Variants in TENM3 observed in about 807,000 individuals in gnomAD.
TENM3 encodes the protein teneurin-3.
In TENM3, 63 loss-of-function variants were observed where a neutral mutation model predicts 255.1. The observed-to-expected ratio is 0.25, with a 90% CI of 0.20 to 0.30. TENM3 has a LOEUF of 0.30. Among genes scored for constraint, TENM3 ranks in the 10% least tolerant of loss-of-function variants. The pLI, the probability that TENM3 is intolerant of heterozygous loss-of-function variation, is 1.00. For synonymous variants in TENM3, 1,306 were observed against 1,322.3 expected, an observed-to-expected ratio of 0.99 and a Z score of 0.27; for missense variants, 2,929 against 3,461.1, an observed-to-expected ratio of 0.85 and a Z score of 3.86.
the TENM3 span, among the ~76,000 whole-genome samples, chr4:181,491,313 G>T: frequency 6.6e-6 from 1 of 151,946 alleles, no homozygotes; most frequent in Non-Finnish European, 1.5e-5. Context: ...TGAAAAAAAT[G>T]AAGTCATAAT....
the TENM3 span, among the ~76,000 whole-genome samples, chr4:182,115,232 A>C: frequency 4.6e-5 from 7 of 152,212 alleles, no homozygotes; most frequent in South Asian, 1.2e-3. Flanking sequence ...AATTGTTGCC[A>C]GTTTCCTCTA....
chr4:181,908,996 C>T, the TENM3 span, among the ~76,000 whole-genome samples: 1 of 152,144 alleles, frequency 6.6e-6, no homozygotes. Flanking sequence ...AGGCTAGCTC[C>T]ATAGAGTCTC....
intron 1 of TENM3, among the ~76,000 whole-genome samples, chr4:182,225,797 A>G (rs2149986330): frequency 6.6e-6 from 1 of 152,306 alleles, no homozygotes; most frequent in African/African-American, 2.4e-5. Flanking sequence ...GATAGCCTGG[A>G]GTCTGACAAA....
chr4:181,489,635 C>G, the TENM3 span, among the ~76,000 whole-genome samples: 1 of 152,098 alleles, frequency 6.6e-6, no homozygotes, highest in South Asian at 2.1e-4. Context: ...GAAAAACAAT[C>G]TAATAACAGA....
chr4:181,958,443 T>C, the TENM3 span, among the ~76,000 whole-genome samples: 1 of 152,214 alleles, frequency 6.6e-6, no homozygotes, highest in African/African-American at 2.4e-5. Context: ...TATCCTAAAT[T>C]AGGATTAGAG....
the TENM3 span, among the ~76,000 whole-genome samples, chr4:181,719,333 AT>A: frequency 6.6e-6 from 1 of 152,192 alleles, no homozygotes; most frequent in Admixed American, 6.5e-5. Context: ...GTTCTAAATC[AT>A]GTTGAAAGGG....
At chr4:182,796,520 T>C in intron 26 of TENM3, 117 bp from the exon 27 acceptor site, 1 of 963,456 alleles carries the variant, frequency 1.0e-6, no homozygotes, top group Non-Finnish European at 1.5e-6. Flanking sequence ...AGCAAACAGG[T>C]GCTCTTTTTC....
At chr4:182,016,244 T>C in the TENM3 span, among the ~76,000 whole-genome samples, 1 of 152,332 alleles carries the variant, frequency 6.6e-6, no homozygotes, top group East Asian at 1.9e-4. Context: ...TCTCAAAATG[T>C]TGGTGCTACC....
chr4:182,115,448 A>G, the TENM3 span, among the ~76,000 whole-genome samples: 1 of 152,208 alleles, frequency 6.6e-6, no homozygotes, highest in Non-Finnish European at 1.5e-5. Context: ...TAAATGTATC[A>G]GGCTCAATAT....
chr4:181,622,969 G>A, the TENM3 span, among the ~76,000 whole-genome samples: 5 of 152,066 alleles, frequency 3.3e-5, no homozygotes, highest in Non-Finnish European at 7.4e-5. Flanking sequence ...CCTTCCGGTG[G>A]CATTACATTT....
intron 3 of TENM3, among the ~76,000 whole-genome samples, chr4:182,453,630 C>T (rs924915386): frequency 6.6e-6 from 1 of 152,048 alleles, no homozygotes; most frequent in African/African-American, 2.4e-5. Flanking sequence ...AAAATTAAAA[C>T]GATGTGTGGA....
At chr4:182,620,534 T>G (rs1750019272) in intron 4 of TENM3, among the ~76,000 whole-genome samples, 1 of 152,184 alleles carries the variant, frequency 6.6e-6, no homozygotes, top group South Asian at 2.1e-4. Flanking sequence ...GTCTAAGAGA[T>G]TTTTACATGT....
the TENM3 span, among the ~76,000 whole-genome samples, chr4:181,940,130 G>A: frequency 6.6e-6 from 1 of 152,104 alleles, no homozygotes; most frequent in Non-Finnish European, 1.5e-5. Context: ...TAACTTTGAA[G>A]TATGCTCAAT....
the TENM3 span, among the ~76,000 whole-genome samples, chr4:181,810,624 G>A: frequency 6.6e-6 from 1 of 152,054 alleles, no homozygotes; most frequent in East Asian, 1.9e-4. Flanking sequence ...ACACTACAGA[G>A]TATGGTCTGA....
At chr4:181,638,270 C>T in the TENM3 span, among the ~76,000 whole-genome samples, 3 of 152,142 alleles carry the variant, frequency 2.0e-5, no homozygotes, top group East Asian at 1.9e-4. Flanking sequence ...AATTAAATCA[C>T]GAATAAGTGG....
At chr4:181,678,839 A>C in the TENM3 span, among the ~76,000 whole-genome samples, 1 of 71,798 alleles carries the variant, frequency 1.4e-5, no homozygotes, top group South Asian at 4.3e-4. Context: ...GAATGTTTTA[A>C]ACAAAAAAAA....
chr4:182,212,267 C>T lies in TENM3; in HGVS notation c.-76+67513C>T, dbSNP rs140362932. Among the ~76,000 whole-genome samples the T allele has an allele frequency of 1.6e-3, 245 of 152,296 alleles. 1 individual carries two copies. Among genetic ancestry groups the T allele is most frequent in the African/African-American group, 5.6e-3 (233 of 41,574 alleles). On this transcript the variant is annotated intron_variant, in intron 1 of 2. Transcript: ENST00000512480. Reference sequence around the variant, plus strand: ...GATGTGCTCCTTTGCAGTTAAAGTCCAGCCTTGACCGCCACATGGCTCCCA... The same window carrying T: ...GATGTGCTCCTTTGCAGTTAAAGTCTAGCCTTGACCGCCACATGGCTCCCA...
intron 1 of TENM3, among the ~76,000 whole-genome samples, chr4:182,311,986 G>T (rs1055385277): frequency 6.6e-6 from 1 of 152,202 alleles, no homozygotes; most frequent in Admixed American, 6.5e-5. Context: ...AAGTCTTACC[G>T]TTTGGCAACT....
At chr4:182,553,144 G>T (rs1308041852) in intron 3 of TENM3, among the ~76,000 whole-genome samples, 1 of 152,090 alleles carries the variant, frequency 6.6e-6, no homozygotes, top group Non-Finnish European at 1.5e-5. Flanking sequence ...TGGTGCAAGG[G>T]CTATTCACAG....
Sources: allele counts gnomAD v4.1 joint callset (sites outside exome capture counted in the v4.1 genomes callset), GRCh38; gene constraint gnomAD v4.1.1; transcripts MANE v1.5; gene names NCBI Gene and HGNC (gene_info 2026-07-23, HGNC 2026-07-21).